PALLD: variants seen among roughly 807,000 people sequenced by gnomAD.
PALLD encodes palladin, cytoskeletal associated protein, also known as palladin.
In PALLD, 61 loss-of-function variants were observed where a neutral mutation model predicts 123.5. That is an observed-to-expected ratio of 0.49 (90% CI 0.40 to 0.61). PALLD has a LOEUF of 0.61. Ranked by LOEUF, PALLD falls within the 20% of genes least tolerant of loss-of-function variation. The pLI, the probability that PALLD is intolerant of heterozygous loss-of-function variation, is 0.00. For missense variants in PALLD, 1,273 were observed against 1,377.0 expected (o/e 0.92, Z 1.20); for synonymous variants, 465 against 496.4 (o/e 0.94, Z 0.84).
intron 20 of PALLD, 46 bp downstream of exon 20, chr4:168,925,124 A>G (rs1329866324): frequency 5.6e-6 from 9 of 1,608,628 alleles, no homozygotes; most frequent in Non-Finnish European, 7.7e-6. Flanking sequence ...TCATTAAATT[A>G]TGAAAAATTA....
intron 10 of PALLD, among the ~76,000 whole-genome samples, chr4:168,784,668 A>T (rs115857144): frequency 2.0e-3 from 310 of 152,328 alleles, no homozygotes; most frequent in African/African-American, 6.3e-3. Flanking sequence ...GATTTGGAAG[A>T]GACAAACTGC....
chr4:168,723,623 T>C (rs1437923190), intron 10 of PALLD, among the ~76,000 whole-genome samples: 2 of 152,224 alleles, frequency 1.3e-5, no homozygotes, highest in South Asian at 4.1e-4. Context: ...CTAGAGCAGA[T>C]ACAGAAATTC....
At chr4:168,921,465 C>A in intron 17 of PALLD, 69 bp from the exon 18 acceptor site, 3 of 918,706 alleles carry the variant, frequency 3.3e-6, no homozygotes, top group African/African-American at 1.7e-5. Flanking sequence ...TTTATGCAGA[C>A]TTCTTAGCTA....
intron 2 of PALLD, among the ~76,000 whole-genome samples, chr4:168,515,137 T>C (rs1345694421): frequency 4.6e-5 from 7 of 152,170 alleles, no homozygotes; most frequent in African/African-American, 1.4e-4. Flanking sequence ...AGGGAGAGCA[T>C]AGATGCTCAT....
intron 10 of PALLD, among the ~76,000 whole-genome samples, chr4:168,840,722 G>C (rs1329026498): frequency 2.0e-5 from 3 of 152,286 alleles, no homozygotes; most frequent in Non-Finnish European, 4.4e-5. Flanking sequence ...TATCAAGGTT[G>C]AGATATGTGA....
intron 2 of PALLD, among the ~76,000 whole-genome samples, chr4:168,573,795 T>C (rs1430221949): frequency 6.6e-6 from 1 of 152,092 alleles, no homozygotes; most frequent in East Asian, 1.9e-4. Context: ...CCATTATTGG[T>C]GTGGAAAAAC....
intron 14 of PALLD, among the ~76,000 whole-genome samples, chr4:168,901,100 C>T (rs1253716459): frequency 4.6e-5 from 7 of 152,208 alleles, no homozygotes; most frequent in African/African-American, 1.2e-4. Context: ...AAATGTTATT[C>T]TTTCATCCCT....
At chr4:168,734,459 T>C (rs1344043774) in intron 10 of PALLD, among the ~76,000 whole-genome samples, 1 of 152,144 alleles carries the variant, frequency 6.6e-6, no homozygotes, top group Non-Finnish European at 1.5e-5. Context: ...GAGGAGGGGA[T>C]GTGGTGGAGG....
Position 168,525,663 on chromosome 4 carries a change from G to A in PALLD, c.908+13251G>A, listed in dbSNP as rs185715528. 2.8e-3 allele frequency among the ~76,000 whole-genome samples: 431 copies of A among 152,258 alleles called. 1 individual carries two copies. Among genetic ancestry groups the A allele is most frequent in the Non-Finnish European group, 5.2e-3 (355 of 68,006 alleles). Reference sequence around the variant, plus strand: ...AAGTGCCCCATTTGTTTTACTATTTGTTAATGGAAAATGCCAATGGTATAC... The same window carrying A: ...AAGTGCCCCATTTGTTTTACTATTTATTAATGGAAAATGCCAATGGTATAC... On this transcript the variant is annotated intron_variant, in intron 2 of 21. Coordinates refer to ENST00000505667, the MANE Select transcript of PALLD (RefSeq NM_001166108.2).
intron 2 of PALLD, among the ~76,000 whole-genome samples, chr4:168,655,869 A>G (rs989447567): frequency 2.0e-5 from 3 of 152,218 alleles, no homozygotes; most frequent in Non-Finnish European, 4.4e-5. Flanking sequence ...GTTAAATGCA[A>G]AGAACTAACT....
Position 168,878,682 on chromosome 4 carries a change from TG to T in PALLD, c.1965-12229del, listed in dbSNP as rs10686951. Among the ~76,000 whole-genome samples, 6,762 of 83,830 alleles carry T rather than the reference TG, an allele frequency of 0.081. 571 individuals carry two copies. Among genetic ancestry groups the T allele is most frequent in the African/African-American group, 0.19 (5,820 of 30,328 alleles). The allele number at this position is 83,830 out of a possible 152,430, so 55.0% of individuals were successfully genotyped here. On this transcript the variant is annotated intron_variant, in intron 10 of 21. Coordinates refer to ENST00000505667, the MANE Select transcript of PALLD (RefSeq NM_001166108.2). ...ATGCAGTGCCCTCTCTTAATCATTA[TG>T]GGGGGGGGGGTGCTTAGCTATCATT...
intron 10 of PALLD, among the ~76,000 whole-genome samples, chr4:168,773,535 A>G (rs1392752): frequency 0.18 from 26,879 of 152,186 alleles, 2,507 homozygotes; most frequent in Middle Eastern, 0.24. Flanking sequence ...CAGCATTTTC[A>G]TCACTGCCAC....
chr4:168,915,849 A>G (rs758126879), intron 16 of PALLD, 46 bp from the exon 17 acceptor site: 1 of 1,508,434 alleles, frequency 6.6e-7, no homozygotes. Context: ...TCTGGAAGTA[A>G]CTACTATCTA....
At chr4:168,901,652 G>A (rs1310322913) in intron 14 of PALLD, among the ~76,000 whole-genome samples, 1 of 152,152 alleles carries the variant, frequency 6.6e-6, no homozygotes. Context: ...GAGGTCAGGA[G>A]TTTAAGAACA....
intron 1 of PALLD, among the ~76,000 whole-genome samples, chr4:168,503,175 G>C (rs1159096078): frequency 6.6e-6 from 1 of 152,168 alleles, no homozygotes; most frequent in Non-Finnish European, 1.5e-5. Flanking sequence ...GCTCACAGTT[G>C]AATGAGGAAA....
At chr4:168,570,466 T>C (rs564751501) in intron 2 of PALLD, among the ~76,000 whole-genome samples, 6 of 152,266 alleles carry the variant, frequency 3.9e-5, no homozygotes, top group African/African-American at 1.4e-4. Context: ...CTTAATTGAG[T>C]ACAGCAGGTT....
At chr4:168,667,310 C>G (rs1421877213) in intron 2 of PALLD, among the ~76,000 whole-genome samples, 1 of 152,040 alleles carries the variant, frequency 6.6e-6, no homozygotes, top group South Asian at 2.1e-4. Context: ...CAATATTTTC[C>G]CAGAGAATTC....
intron 10 of PALLD, among the ~76,000 whole-genome samples, chr4:168,724,017 C>G (rs770967362): frequency 1.3e-5 from 2 of 151,736 alleles, no homozygotes; most frequent in Non-Finnish European, 2.9e-5. Flanking sequence ...CTCAGCCTCC[C>G]GAATAGCTGG....
intron 3 of PALLD, among the ~76,000 whole-genome samples, chr4:168,674,376 C>G (rs1251119676): frequency 2.0e-5 from 3 of 152,108 alleles, no homozygotes; most frequent in Non-Finnish European, 4.4e-5. Context: ...CTGGATACAC[C>G]TCCAGACAGA....
Sources: allele counts gnomAD v4.1 joint callset (sites outside exome capture counted in the v4.1 genomes callset), GRCh38; gene constraint gnomAD v4.1.1; transcripts MANE v1.5; gene names NCBI Gene and HGNC (gene_info 2026-07-23, HGNC 2026-07-21).